The following DPYSL4 variants were observed in gnomAD, a reference collection of about 807,000 sequenced individuals.
The protein encoded by DPYSL4 is dihydropyrimidinase like 4, also known as dihydropyrimidinase-related protein 4.
In DPYSL4, 43 loss-of-function variants were observed where a neutral mutation model predicts 63.4. The ratio of observed to expected loss-of-function variants is 0.68; its 90% confidence interval spans 0.53 to 0.88. DPYSL4 has a LOEUF of 0.88. Ranked by LOEUF, DPYSL4 falls within the 40% of genes least tolerant of loss-of-function variation. The probability of loss-of-function intolerance (pLI) is 0.00; values close to 1 mark genes in which losing one functional copy is unlikely to be tolerated. For synonymous variants in DPYSL4, 353 were observed against 331.7 expected (o/e 1.06, Z -0.70); for missense variants, 733 against 819.5 (o/e 0.89, Z 1.29).
At chr10:132,197,783 G>A (rs1286434016) in intron 6 of DPYSL4, among the ~76,000 whole-genome samples, 1 of 152,208 alleles carries the variant, frequency 6.6e-6, no homozygotes, top group East Asian at 1.9e-4. Flanking sequence ...TCGGGCAGGG[G>A]CATGTGGGGG....
rs1437975248 is a variant in DPYSL4, at chr10:132,203,512, C to T, written c.1462-250C>T. On this transcript the variant is annotated intron_variant, in intron 12 of 13. Coordinates refer to ENST00000338492, the MANE Select transcript of DPYSL4 (RefSeq NM_006426.3). ...GACTGAGGGGAGGGACGTTTGCACACACATGCAGATGGGACCGCAGGCGGG... is the reference window on the plus strand; with the variant it reads ...GACTGAGGGGAGGGACGTTTGCACATACATGCAGATGGGACCGCAGGCGGG... The T allele has an allele frequency of 1.3e-5, 7 of 534,634 alleles. 1 individual carries two copies. Among genetic ancestry groups the T allele is most frequent in the South Asian group, 1.1e-4 (4 of 35,694 alleles). The allele number at this position is 534,634 out of a possible 1,614,324, so 33.1% of individuals were successfully genotyped here.
chr10:132,201,343 C>G (rs1435922238), intron 10 of DPYSL4, among the ~76,000 whole-genome samples: 1 of 152,174 alleles, frequency 6.6e-6, no homozygotes, highest in Non-Finnish European at 1.5e-5. Context: ...TGCGCCCTCC[C>G]GCATCCTCAG....
chr10:132,192,927 T>C (rs1334346286), intron 3 of DPYSL4, 85 bp downstream of exon 3: 2 of 1,406,268 alleles, frequency 1.4e-6, no homozygotes, highest in Non-Finnish European at 1.9e-6. Flanking sequence ...GGAGGAGGAG[T>C]GTCGCCTAAA....
At chr10:132,204,804 T>TCATTCTCCCCTGCCC (rs1261018638) in intron 13 of DPYSL4, 35 bp from the exon 14 acceptor site, 2 of 1,566,604 alleles carry the variant, frequency 1.3e-6, no homozygotes, top group Non-Finnish European at 1.7e-6. Context: ...TGCCCCTGCC[T>TCATTCTCCCCTGCCC]CATTCTCCCC....
At position 132,200,352 on chromosome 10, in the gene DPYSL4, G is replaced by C. The variant is rs871883; in HGVS notation, c.812-4G>C. 1 of 1,612,786 alleles carries C rather than the reference G, an allele frequency of 6.2e-7. No homozygotes were observed. Among genetic ancestry groups the C allele is most frequent in the African/African-American group, 1.3e-5 (1 of 74,984 alleles). ...GGGCACCTCTCATGGGCCTCGTGCTGCAGGGGTGGTCGTGTTTGGGGAGCC... is the reference window on the plus strand; with the variant it reads ...GGGCACCTCTCATGGGCCTCGTGCTCCAGGGGTGGTCGTGTTTGGGGAGCC... On this transcript the variant is annotated splice_region_variant and splice_polypyrimidine_tract_variant and intron_variant, in intron 8 of 13. Coordinates refer to ENST00000338492, the MANE Select transcript of DPYSL4 (RefSeq NM_006426.3).
chr10:132,191,855 G>A (rs1303463943), intron 2 of DPYSL4, among the ~76,000 whole-genome samples: 3 of 128,868 alleles, frequency 2.3e-5, no homozygotes, highest in African/African-American at 9.0e-5. Flanking sequence ...TATGTTCCCA[G>A]CTCGTGTGTA....
Position 132,198,934 on chromosome 10 carries a change from G to C in DPYSL4, c.774G>C (p.Lys258Asn). ...CPLYVTKVMS[K>N]GAADAIAQAK... is the part of the protein sequence containing the mutation. ...TGTACGTCACCAAGGTGATGAGCAA[G>C]GGGGCGGCCGACGCCATCGCTCAGG... The change falls in exon 8 of 14, where the codon AAG becomes AAC. Residue 258 changes from lysine (K) to asparagine (N), a missense_variant. Physicochemically the swap from Lys to Asn is moderately conservative, Grantham distance 94. Transcript: ENST00000338492. 2 of 1,612,796 alleles carry C rather than the reference G, an allele frequency of 1.2e-6. No homozygotes were observed. The highest frequency in any genetic ancestry group is 1.7e-6 in the Non-Finnish European group (2 of 1,179,892).
intron 2 of DPYSL4, 81 bp downstream of exon 2, chr10:132,190,916 A>G (rs2061865740): frequency 4.3e-6 from 6 of 1,404,518 alleles, no homozygotes; most frequent in Non-Finnish European, 5.9e-6. Flanking sequence ...AGTTGAAAGT[A>G]TGTTCCCAGC....
At chr10:132,203,952 G>T in intron 13 of DPYSL4, 25 bp downstream of exon 13, 1 of 1,578,978 alleles carries the variant, frequency 6.3e-7, no homozygotes, top group Non-Finnish European at 8.7e-7. Context: ...GGGCACCAGT[G>T]GGGGTGAGGG....
intron 8 of DPYSL4, 65 bp from the exon 9 acceptor site, chr10:132,200,291 A>G (rs2061995384): frequency 6.3e-7 from 1 of 1,585,572 alleles, no homozygotes; most frequent in Non-Finnish European, 8.6e-7. Flanking sequence ...CAGCAGCAGC[A>G]GTTCTCGGGG....
At position 132,198,881 on chromosome 10, in the gene DPYSL4, A is replaced by T. The variant is rs748567932; in HGVS notation, c.721A>T (p.Thr241Ser). 6.2e-7 allele frequency: 1 copy of T among 1,612,952 alleles called. No homozygotes were observed. The highest frequency in any genetic ancestry group is 1.1e-5 in the South Asian group (1 of 91,084). The change falls in exon 8 of 14, where the codon ACC becomes TCC. Residue 241 changes from threonine to serine, a missense_variant. Transcript: ENST00000338492. ...VEAEAVYRAV[T>S]IAKQANCPLY... Reference sequence around the variant, plus strand: ...GGCTGAGGCGGTGTACCGAGCTGTCACCATCGCCAAGCAGGCAAACTGCCC... The same window carrying T: ...GGCTGAGGCGGTGTACCGAGCTGTCTCCATCGCCAAGCAGGCAAACTGCCC...
At chr10:132,203,700 G>A in intron 12 of DPYSL4, 62 bp from the exon 13 acceptor site, 3 of 1,412,586 alleles carry the variant, frequency 2.1e-6, no homozygotes, top group Non-Finnish European at 2.8e-6. Flanking sequence ...CCCCATCTCT[G>A]GCCCCACAGC....
At chr10:132,204,074 G>A (rs534388617) in intron 13 of DPYSL4, 147 bp downstream of exon 13, 3 of 1,103,230 alleles carry the variant, frequency 2.7e-6, no homozygotes, top group East Asian at 2.6e-5. Flanking sequence ...TGCTGGGGGT[G>A]TTGTGGGGGC....
At position 132,200,998 on chromosome 10, in the gene DPYSL4, G is replaced by A. The variant is rs1171153599; in HGVS notation, c.1110+15G>A. On this transcript the variant is annotated intron_variant, in intron 10 of 13. Coordinates refer to ENST00000338492, the MANE Select transcript of DPYSL4 (RefSeq NM_006426.3). Reference sequence around the variant, plus strand: ...AGAAATGTGTGGTGAGCACAGGCCTGGCCGGGGCACGCCGTCTGGGGAGCG... The same window carrying A: ...AGAAATGTGTGGTGAGCACAGGCCTAGCCGGGGCACGCCGTCTGGGGAGCG... 1.9e-6 allele frequency: 3 copies of A among 1,611,786 alleles called. No homozygotes were observed. Among genetic ancestry groups the A allele is most frequent in the Non-Finnish European group, 1.7e-6 (2 of 1,179,292 alleles).
chr10:132,200,731 C>T (rs1388654661), intron 9 of DPYSL4, 111 bp from the exon 10 acceptor site: 2 of 1,443,614 alleles, frequency 1.4e-6, no homozygotes, highest in East Asian at 2.4e-5. Context: ...CAGCGAGAGC[C>T]ACTCAGATGA....
Position 132,205,021 on chromosome 10 carries a change from TGTA to T in DPYSL4, c.*93_*95del. On this transcript the variant is annotated 3_prime_UTR_variant, in exon 14 of 14. Transcript: ENST00000338492. ...CGCCCCCCTCCTTAGCATTTTCTTT[TGTA>T]GAAGTTTCTCGAAGGTGCTTGGCGG... 9.1e-7 allele frequency: 1 copy of T among 1,099,488 alleles called. No homozygotes were observed. The highest frequency in any genetic ancestry group is 1.3e-6 in the Non-Finnish European group (1 of 783,086). The allele number at this position is 1,099,488 out of a possible 1,614,324, so 68.1% of individuals were successfully genotyped here.
chr10:132,202,865 G>T, intron 12 of DPYSL4, 40 bp downstream of exon 12: 2 of 1,553,608 alleles, frequency 1.3e-6, no homozygotes, highest in Non-Finnish European at 1.7e-6. Flanking sequence ...AGGTAGGCAG[G>T]TGGGCGCTGA....
rs1378236572 is a variant in DPYSL4, at chr10:132,194,941, T to C, written c.410T>C (p.Leu137Pro). ...ADSAACCDYS[L>P]HVDITRWHES... is the part of the protein sequence containing the mutation. ...AGCGCGGCCTGCTGCGACTACTCCCTGCACGTGGACATCACCCGATGGCAT... is the reference window on the plus strand; with the variant it reads ...AGCGCGGCCTGCTGCGACTACTCCCCGCACGTGGACATCACCCGATGGCAT... Residue 137 changes from leucine (L) to proline (P), a missense_variant, in exon 4 of 14, where the codon CTG becomes CCG. Transcript: ENST00000338492. 1.2e-6 allele frequency: 2 copies of C among 1,611,846 alleles called. No homozygotes were observed. Among genetic ancestry groups the C allele is most frequent in the Non-Finnish European group, 8.5e-7 (1 of 1,179,924 alleles).
At position 132,191,460 on chromosome 10, in the gene DPYSL4, A is replaced by C. The variant is rs201021038; in HGVS notation, c.128+625A>C. ...GTCATGTGGTATCCAGGCAGATGAAAGTATGTTCCCAGCTCGTGTGTACAC... is the reference window on the plus strand; with the variant it reads ...GTCATGTGGTATCCAGGCAGATGAACGTATGTTCCCAGCTCGTGTGTACAC... On this transcript the variant is annotated intron_variant, in intron 2 of 13. Transcript: ENST00000338492. Among the ~76,000 whole-genome samples the C allele has an allele frequency of 4.4e-4, 26 of 58,668 alleles. 1 individual carries two copies. The highest frequency in any genetic ancestry group is 6.0e-4 in the Non-Finnish European group (15 of 24,938). 38.5% of individuals were successfully genotyped at this position (58,668 alleles called of 152,430 possible). A position where few individuals can be genotyped will look rare whatever the true frequency, so the allele number is the denominator to read the frequency against.
Sources: allele counts gnomAD v4.1 joint callset (sites outside exome capture counted in the v4.1 genomes callset), GRCh38; gene constraint gnomAD v4.1.1; transcripts MANE v1.5; gene names NCBI Gene and HGNC (gene_info 2026-07-23, HGNC 2026-07-21).